SCAPER: variants seen among roughly 807,000 people sequenced by gnomAD.
SCAPER encodes the protein S-phase cyclin A associated protein in the ER.
Under a neutral mutation model 182.2 loss-of-function variants are expected in SCAPER, and 98 were observed. That is an observed-to-expected ratio of 0.54 (90% CI 0.46 to 0.64). The LOEUF (loss-of-function observed/expected upper bound fraction) is 0.64. Among genes scored for constraint, SCAPER ranks in the 30% least tolerant of loss-of-function variants. The probability of loss-of-function intolerance (pLI) is 0.00; values close to 1 mark genes in which losing one functional copy is unlikely to be tolerated. For synonymous variants in SCAPER, 605 were observed against 564.6 expected (o/e 1.07, Z -1.01); for missense variants, 1,432 against 1,690.0 (o/e 0.85, Z 2.68).
intron 23 of SCAPER, among the ~76,000 whole-genome samples, chr15:76,505,695 A>C (rs1305286998): frequency 2.0e-5 from 3 of 152,182 alleles, no homozygotes; most frequent in Non-Finnish European, 2.9e-5. Context: ...ATTTTTCAAA[A>C]AACTAAAAAC....
rs1345356770 is a variant in SCAPER, at chr15:76,777,547, T to C, written c.773-2430A>G. Among the ~76,000 whole-genome samples the C allele has an allele frequency of 1.1e-4, 5 of 46,852 alleles. No individual in the cohort carries two copies. In the Admixed American group the frequency reaches 1.8e-3, roughly 17 times the overall value. The allele number at this position is 46,852 out of a possible 152,430, so 30.7% of individuals were successfully genotyped here. A position where few individuals can be genotyped will look rare whatever the true frequency, so the allele number is the denominator to read the frequency against. ...CCATCTCTACTAAATACAAAAAAAT[T>C]AGCAGACATGGTGGCACATGCCTGT... On this transcript the variant is annotated intron_variant, in intron 8 of 31. Transcript: ENST00000563290.
chr15:76,827,051 T>C (rs1198462950), intron 5 of SCAPER, among the ~76,000 whole-genome samples: 2 of 152,192 alleles, frequency 1.3e-5, no homozygotes, highest in Non-Finnish European at 2.9e-5. Flanking sequence ...GTAATGTGTC[T>C]AAATCGTAAT....
At chr15:76,420,233 T>TC (rs1378469443) in intron 26 of SCAPER, among the ~76,000 whole-genome samples, 2 of 134,640 alleles carry the variant, frequency 1.5e-5, no homozygotes, top group South Asian at 2.5e-4. Flanking sequence ...AGATGTTTTT[T>TC]CCTTTTTTTT....
intron 14 of SCAPER, among the ~76,000 whole-genome samples, chr15:76,761,079 T>C (rs1300212715): frequency 3.3e-5 from 5 of 152,152 alleles, no homozygotes; most frequent in Non-Finnish European, 7.4e-5. Context: ...GATTCAGTCA[T>C]GTTGGGTTGT....
At chr15:76,785,863 C>T (rs2064554845) in intron 8 of SCAPER, among the ~76,000 whole-genome samples, 1 of 152,082 alleles carries the variant, frequency 6.6e-6, no homozygotes, top group African/African-American at 2.4e-5. Flanking sequence ...ACATCACACA[C>T]TGGGGCCTGT....
chr15:76,615,444 C>CA (rs1444886143), intron 22 of SCAPER, among the ~76,000 whole-genome samples: 10 of 146,976 alleles, frequency 6.8e-5, no homozygotes, highest in African/African-American at 1.3e-4. Context: ...GAGTCCATCT[C>CA]AAAAACAAAT....
intron 20 of SCAPER, among the ~76,000 whole-genome samples, chr15:76,667,845 C>A (rs376192827): frequency 1.3e-5 from 2 of 151,524 alleles, no homozygotes; most frequent in South Asian, 2.1e-4. Flanking sequence ...TACCTGTAAT[C>A]CCAGCTACCT....
chr15:76,555,511 T>C (rs538129458), intron 23 of SCAPER, among the ~76,000 whole-genome samples: 7 of 152,000 alleles, frequency 4.6e-5, no homozygotes, highest in African/African-American at 1.4e-4. Context: ...ATGACACCCA[T>C]AGCCTCAAAG....
chr15:76,609,075 C>G (rs528802981), intron 22 of SCAPER, among the ~76,000 whole-genome samples: 12 of 152,202 alleles, frequency 7.9e-5, no homozygotes, highest in Non-Finnish European at 1.5e-4. Flanking sequence ...AACCCGGTAC[C>G]TCAGTTGGAA....
chr15:76,469,466 A>C (rs914098371), intron 25 of SCAPER, among the ~76,000 whole-genome samples: 1 of 152,188 alleles, frequency 6.6e-6, no homozygotes, highest in Non-Finnish European at 1.5e-5. Flanking sequence ...TATTCTATAG[A>C]TCTTACTTGA....
At chr15:76,707,264 G>A (rs531037161) in intron 17 of SCAPER, among the ~76,000 whole-genome samples, 10 of 151,944 alleles carry the variant, frequency 6.6e-5, no homozygotes, top group South Asian at 2.1e-4. Flanking sequence ...TCAAAATGGC[G>A]GACATAAATT....
At chr15:76,672,223 A>G (rs991043058) in intron 20 of SCAPER, among the ~76,000 whole-genome samples, 4 of 152,376 alleles carry the variant, frequency 2.6e-5, no homozygotes, top group East Asian at 1.9e-4. Context: ...CAAAAATTGT[A>G]TAAGAGGGAT....
At position 76,609,716 on chromosome 15, in the gene SCAPER, T is replaced by C. The variant is rs1004419305; in HGVS notation, c.2711+12048A>G. Among the ~76,000 whole-genome samples, 11 of 152,368 alleles carry C rather than the reference T, an allele frequency of 7.2e-5. No individual in the cohort carries two copies. In the East Asian group the frequency reaches 1.5e-3, roughly 21 times the overall value. ...TATATCCTGTCAGATTTTTGAAAGA[T>C]GGACATGATGTACTAGGTAAATGGA... On this transcript the variant is annotated intron_variant, in intron 22 of 31. Coordinates refer to ENST00000563290, the MANE Select transcript of SCAPER (RefSeq NM_020843.4).
intron 23 of SCAPER, among the ~76,000 whole-genome samples, chr15:76,511,843 A>ATATATATATGTGTG (rs151255382): frequency 2.4e-5 from 3 of 123,308 alleles, no homozygotes; most frequent in South Asian, 2.7e-4. Context: ...ATATATATAT[A>ATATATATATGTGTG]TGTGTGTGTG....
At chr15:76,662,060 C>A (rs905103953) in intron 21 of SCAPER, among the ~76,000 whole-genome samples, 3 of 152,098 alleles carry the variant, frequency 2.0e-5, no homozygotes, top group Non-Finnish European at 4.4e-5. Flanking sequence ...AAGCCATCAT[C>A]CTCAGCGAAC....
intron 21 of SCAPER, among the ~76,000 whole-genome samples, chr15:76,639,412 G>A (rs983377191): frequency 3.3e-5 from 5 of 152,162 alleles, no homozygotes; most frequent in African/African-American, 7.2e-5. Flanking sequence ...AAAGGCGCAG[G>A]GATTGCCCCT....
chr15:76,605,949 T>G (rs1323969131), intron 22 of SCAPER, among the ~76,000 whole-genome samples: 1 of 152,238 alleles, frequency 6.6e-6, no homozygotes, highest in African/African-American at 2.4e-5. Context: ...CTATCAATTT[T>G]GCTGATCTTT....
intron 21 of SCAPER, among the ~76,000 whole-genome samples, chr15:76,655,612 T>C (rs753134031): frequency 2.6e-5 from 4 of 151,916 alleles, no homozygotes; most frequent in Non-Finnish European, 5.9e-5. Flanking sequence ...ACAATCAAAG[T>C]GAAAGGAAGA....
chr15:76,734,308 T>A (rs1201634721), intron 15 of SCAPER, among the ~76,000 whole-genome samples: 2 of 152,136 alleles, frequency 1.3e-5, no homozygotes, highest in African/African-American at 4.8e-5. Context: ...ACCCTCTCAT[T>A]CTTGAAAGCC....
Sources: allele counts gnomAD v4.1 joint callset (sites outside exome capture counted in the v4.1 genomes callset), GRCh38; gene constraint gnomAD v4.1.1; transcripts MANE v1.5; gene names NCBI Gene and HGNC (gene_info 2026-07-23, HGNC 2026-07-21).